RIC3: variants seen among roughly 807,000 people sequenced by gnomAD.
RIC3 encodes the protein RIC3 acetylcholine receptor chaperone, also known as protein RIC-3.
Under a neutral mutation model 27.3 loss-of-function variants are expected in RIC3, and 28 were observed. The observed-to-expected ratio is 1.02, with a 90% CI of 0.76 to 1.41. The LOEUF is 1.41. Ranked by LOEUF, RIC3 falls within the 40% of genes most tolerant of loss-of-function variation. RIC3 has a pLI of 0.00. For synonymous variants in RIC3, 184 were observed against 160.4 expected, an observed-to-expected ratio of 1.15 and a Z score of -1.11; for missense variants, 501 against 444.7, an observed-to-expected ratio of 1.13 and a Z score of -1.14.
At chr11:8,144,841 T>G (rs2133997670) in intron 1 of RIC3, among the ~76,000 whole-genome samples, 1 of 152,090 alleles carries the variant, frequency 6.6e-6, no homozygotes, top group East Asian at 1.9e-4. Context: ...CATGGAATAC[T>G]ATGCAGCCAT....
intron 1 of RIC3, among the ~76,000 whole-genome samples, chr11:8,162,919 T>C (rs1002160948): frequency 6.6e-6 from 1 of 151,972 alleles, no homozygotes; most frequent in Non-Finnish European, 1.5e-5. Context: ...GTGCTGGGAT[T>C]ATAGACATGA....
intron 5 of RIC3, among the ~76,000 whole-genome samples, chr11:8,118,527 T>TAAAAAAA (rs11378233): frequency 1.0e-4 from 7 of 66,676 alleles, no homozygotes; most frequent in Non-Finnish European, 1.7e-4. Flanking sequence ...GCCATAATTG[T>TAAAAAAA]AAAAAAAAAA....
chr11:8,141,287 C>T (rs1225744081), intron 1 of RIC3, among the ~76,000 whole-genome samples: 2 of 151,844 alleles, frequency 1.3e-5, no homozygotes, highest in East Asian at 1.9e-4. Context: ...GGAAACCCAT[C>T]TCACGTGCAG....
chr11:8,162,001 A>C (rs909739857), intron 1 of RIC3, among the ~76,000 whole-genome samples: 1 of 127,582 alleles, frequency 7.8e-6, no homozygotes, highest in Non-Finnish European at 1.7e-5. Context: ...ATGGAATGTG[A>C]GGAGGTAATG....
At chr11:8,142,874 T>G (rs1464120258) in intron 1 of RIC3, among the ~76,000 whole-genome samples, 7 of 90,938 alleles carry the variant, frequency 7.7e-5, no homozygotes, top group Non-Finnish European at 1.1e-4. Flanking sequence ...TGGTTCAATA[T>G]ACGCAAATCA....
the RIC3 span, among the ~76,000 whole-genome samples, chr11:8,093,532 T>C: frequency 4.0e-4 from 61 of 152,180 alleles, 1 homozygote; most frequent in Non-Finnish European, 7.5e-4. Flanking sequence ...TGTTGGTGCC[T>C]GTAGCTTCTT....
chr11:8,153,432 C>CA (rs1435088654), intron 1 of RIC3: 1 of 451,730 alleles, frequency 2.2e-6, no homozygotes, highest in Non-Finnish European at 4.4e-6. Context: ...TTCTGCAATA[C>CA]AAAAAAGTAA....
At chr11:8,114,387 C>T (rs1945614233) in intron 5 of RIC3, among the ~76,000 whole-genome samples, 2 of 152,022 alleles carry the variant, frequency 1.3e-5, no homozygotes, top group Non-Finnish European at 2.9e-5. Flanking sequence ...AATGGATCAC[C>T]TGAGGTTAGG....
chr11:8,096,771 C>G, the RIC3 span: 2 of 1,614,140 alleles, frequency 1.2e-6, no homozygotes, highest in Admixed American at 1.7e-5. Flanking sequence ...TAGTAACACC[C>G]GCCCCAGCTC....
At chr11:8,155,676 T>C (rs1241919025) in intron 1 of RIC3, among the ~76,000 whole-genome samples, 1 of 152,220 alleles carries the variant, frequency 6.6e-6, no homozygotes, top group East Asian at 1.9e-4. Context: ...TTCAGCACTG[T>C]TAACAAAAGA....
intron 1 of RIC3, among the ~76,000 whole-genome samples, chr11:8,162,520 C>G (rs1017237213): frequency 1.3e-5 from 2 of 152,086 alleles, no homozygotes; most frequent in African/African-American, 4.8e-5. Flanking sequence ...AGAATAAAAC[C>G]CAATCTCCTT....
chr11:8,093,596 C>T, the RIC3 span, among the ~76,000 whole-genome samples: 1 of 152,194 alleles, frequency 6.6e-6, no homozygotes, highest in South Asian at 2.1e-4. Flanking sequence ...CCCATGGGCT[C>T]ATCCCCGCAG....
At chr11:8,097,620 C>G in the RIC3 span, 1 of 1,327,514 alleles carries the variant, frequency 7.5e-7, no homozygotes, top group Non-Finnish European at 1.1e-6. Flanking sequence ...CGTTTGGGAG[C>G]TGACGCAACG....
the RIC3 span, chr11:8,098,642 C>G: frequency 4.0e-6 from 3 of 742,538 alleles, no homozygotes; most frequent in African/African-American, 3.5e-5. Context: ...CTCCCTGGGC[C>G]TGCTCCTGTT....
chr11:8,165,765 G>GT (rs1487861832), intron 1 of RIC3, among the ~76,000 whole-genome samples: 137 of 140,806 alleles, frequency 9.7e-4, no homozygotes, highest in African/African-American at 3.3e-3. Context: ...TGTTTTTTGG[G>GT]GTTTTTTTTT....
intron 5 of RIC3, among the ~76,000 whole-genome samples, chr11:8,115,865 A>G (rs1411881889): frequency 6.6e-6 from 1 of 152,252 alleles, no homozygotes; most frequent in African/African-American, 2.4e-5. Flanking sequence ...CAAAATTTCA[A>G]TGACAATTTT....
At chr11:8,113,005 T>TAA (rs1014206769) in intron 5 of RIC3, among the ~76,000 whole-genome samples, 3 of 152,252 alleles carry the variant, frequency 2.0e-5, no homozygotes, top group African/African-American at 7.2e-5. Flanking sequence ...ACCAGTGATA[T>TAA]AAAGACTGTC....
chr11:8,101,857 C>CGAG, downstream of RIC3: 4 of 576,020 alleles, frequency 6.9e-6, no homozygotes, highest in South Asian at 2.4e-5. Flanking sequence ...TCTTTCCATG[C>CGAG]CACGAGATCA....
Position 8,138,414 on chromosome 11 carries a change from T to A in RIC3, c.352-67A>T, listed in dbSNP as rs56359962. 0.059 allele frequency: 52,617 copies of A among 892,838 alleles called. 1,871 individuals are homozygous for A. The highest frequency in any genetic ancestry group is 0.099 in the Admixed American group (4,036 of 40,644). The allele number at this position is 892,838 out of a possible 1,614,324, so 55.3% of individuals were successfully genotyped here. A position where few individuals can be genotyped will look rare whatever the true frequency, so the allele number is the denominator to read the frequency against. On this transcript the variant is annotated intron_variant, in intron 2 of 5. Transcript: ENST00000309737. The stretch of plus-strand genomic sequence containing the variant: ...AACCTCAGTCACGGAACCCCTCATA[T>A]CAAACAAAAAAAAAAGGTTGGGAAA...
Sources: gnomAD v4.1 joint callset for allele counts (sites outside exome capture counted in the v4.1 genomes callset) on GRCh38, gnomAD v4.1.1 for gene constraint, MANE v1.5 for transcripts, NCBI Gene and HGNC (gene_info 2026-07-23, HGNC 2026-07-21) for gene names.